The following PCSK5 variants were observed in gnomAD, a reference collection of about 807,000 sequenced individuals.
The protein encoded by PCSK5 is prohormone convertase 5.
Under a neutral mutation model 233.2 loss-of-function variants are expected in PCSK5, and 129 were observed. That is an observed-to-expected ratio of 0.55 (90% CI 0.48 to 0.64). The LOEUF is 0.64. Ranked by LOEUF, PCSK5 falls within the 30% of genes least tolerant of loss-of-function variation. The probability of loss-of-function intolerance (pLI) is 0.00; values close to 1 mark genes in which losing one functional copy is unlikely to be tolerated. For synonymous variants in PCSK5, 825 were observed against 879.2 expected (o/e 0.94, Z 1.09); for missense variants, 2,076 against 2,430.1 (o/e 0.85, Z 3.06).
chr9:76,293,443 T>C (rs192307072), intron 25 of PCSK5, among the ~76,000 whole-genome samples: 13 of 152,310 alleles, frequency 8.5e-5, no homozygotes, highest in Admixed American at 3.9e-4. Flanking sequence ...CTTTGTTTTT[T>C]TGGGTTTTTT....
chr9:76,319,550 A>G (rs2453460), intron 30 of PCSK5, among the ~76,000 whole-genome samples: 53,077 of 151,406 alleles, frequency 0.35, 9,601 homozygotes, highest in Non-Finnish European at 0.37. Context: ...TGTCACGCCC[A>G]CATAAGGGCC....
chr9:76,265,066 C>T (rs767138548), intron 24 of PCSK5, among the ~76,000 whole-genome samples: 1 of 152,180 alleles, frequency 6.6e-6, no homozygotes, highest in South Asian at 2.1e-4. Flanking sequence ...CCATGGACTA[C>T]TATGCAGCCA....
At chr9:76,071,643 C>T in intron 6 of PCSK5, 83 bp from the exon 7 acceptor site, 1 of 1,131,298 alleles carries the variant, frequency 8.8e-7, no homozygotes, top group Non-Finnish European at 1.3e-6. Context: ...TGTATTCTTC[C>T]CCCCGAGAAT....
At chr9:76,011,793 C>G (rs921762883) in intron 3 of PCSK5, among the ~76,000 whole-genome samples, 1 of 152,118 alleles carries the variant, frequency 6.6e-6, no homozygotes, top group African/African-American at 2.4e-5. Flanking sequence ...GAGTTTATTG[C>G]CTGATGCCTA....
At position 76,126,190 on chromosome 9, in the gene PCSK5, T is replaced by TGTGTGTGTGTGG. The variant is rs1832847884; in HGVS notation, c.1209-7918_1209-7907dup. ...TCCTGCGTGTGTGTGTATGTGTGTG[T>TGTGTGTGTGTGG]GTGTGTGTGTGGTGTAATTTTTAAA... On this transcript the variant is annotated intron_variant, in intron 9 of 37. Coordinates refer to ENST00000674117, the MANE Select transcript of PCSK5 (RefSeq NM_001372043.1). Among the ~76,000 whole-genome samples the TGTGTGTGTGTGG allele has an allele frequency of 2.7e-4, 36 of 131,924 alleles. 1 individual carries two copies. The South Asian group carries it at 8.8e-3, about 32-fold the overall frequency. The allele number at this position is 131,924 out of a possible 152,430, so 86.5% of individuals were successfully genotyped here.
At chr9:75,987,945 T>C (rs1826595936) in intron 3 of PCSK5, among the ~76,000 whole-genome samples, 1 of 152,210 alleles carries the variant, frequency 6.6e-6, no homozygotes, top group Non-Finnish European at 1.5e-5. Flanking sequence ...CACTGGACAG[T>C]AGAACTATCT....
chr9:76,188,488 CTG>C (rs1176664660), intron 17 of PCSK5, 88 bp from the exon 18 acceptor site: 4 of 791,708 alleles, frequency 5.1e-6, no homozygotes, highest in Non-Finnish European at 8.6e-6. Context: ...CTGAGGGAAA[CTG>C]TATCTGTTAC....
intron 4 of PCSK5, among the ~76,000 whole-genome samples, chr9:76,024,836 C>T (rs1167612405): frequency 6.6e-6 from 1 of 152,090 alleles, no homozygotes. Context: ...GACTTGGGTT[C>T]CCTCCAGTCT....
intron 35 of PCSK5, 55 bp downstream of exon 35, chr9:76,338,502 T>A: frequency 7.7e-7 from 1 of 1,303,030 alleles, no homozygotes; most frequent in Non-Finnish European, 1.1e-6. Context: ...AAAGGTTTTC[T>A]TCCTTATTTG....
intron 24 of PCSK5, among the ~76,000 whole-genome samples, chr9:76,263,619 G>C (rs1163157685): frequency 6.6e-6 from 1 of 151,764 alleles, no homozygotes; most frequent in East Asian, 1.9e-4. Context: ...CACACTCTGG[G>C]GACTGTTGTG....
chr9:76,209,512 A>G (rs756667540), intron 20 of PCSK5: 6 of 515,986 alleles, frequency 1.2e-5, no homozygotes, highest in Middle Eastern at 3.2e-4. Context: ...GACATGTAGT[A>G]GGCGCTCAAT....
At chr9:75,976,420 C>T (rs1826024777) in intron 2 of PCSK5, among the ~76,000 whole-genome samples, 1 of 151,938 alleles carries the variant, frequency 6.6e-6, no homozygotes, top group Non-Finnish European at 1.5e-5. Flanking sequence ...AGGGAGCTAT[C>T]CTTTTTTTTC....
intron 5 of PCSK5, among the ~76,000 whole-genome samples, chr9:76,058,931 G>A (rs975071500): frequency 3.3e-5 from 5 of 152,044 alleles, no homozygotes; most frequent in Non-Finnish European, 7.4e-5. Flanking sequence ...GATCACTTGA[G>A]CCCAGGAGTT....
intron 20 of PCSK5, chr9:76,193,636 C>A: frequency 3.7e-6 from 1 of 268,080 alleles, no homozygotes; most frequent in Non-Finnish European, 6.9e-6. Context: ...ATGACCAAAG[C>A]ATTTGATGCC....
chr9:76,033,377 G>GA (rs1384510495), intron 5 of PCSK5, among the ~76,000 whole-genome samples: 1 of 152,068 alleles, frequency 6.6e-6, no homozygotes, highest in African/African-American at 2.4e-5. Context: ...AAAACTTAAC[G>GA]AAGAAAATGA....
At chr9:76,276,233 A>T (rs1827684587) in intron 24 of PCSK5, among the ~76,000 whole-genome samples, 1 of 152,130 alleles carries the variant, frequency 6.6e-6, no homozygotes, top group Non-Finnish European at 1.5e-5. Context: ...AAATAAATAA[A>T]AAAATAAAAT....
At chr9:75,932,111 A>T (rs577833610) in intron 1 of PCSK5, among the ~76,000 whole-genome samples, 6 of 152,372 alleles carry the variant, frequency 3.9e-5, no homozygotes, top group Non-Finnish European at 8.8e-5. Flanking sequence ...TAAACATTAA[A>T]AGGAGATTTG....
chr9:76,343,195 C>T (rs534076068), intron 35 of PCSK5, among the ~76,000 whole-genome samples: 2 of 150,050 alleles, frequency 1.3e-5, no homozygotes, highest in East Asian at 2.0e-4. Flanking sequence ...GACAGAGCCT[C>T]GCTGTGTCAC....
chr9:76,125,132 A>T (rs75298900), intron 9 of PCSK5, among the ~76,000 whole-genome samples: 2 of 152,014 alleles, frequency 1.3e-5, no homozygotes, highest in Non-Finnish European at 2.9e-5. Context: ...TAAAAAAAAA[A>T]CTGGCTACAG....
Sources: gnomAD v4.1 joint callset for allele counts (sites outside exome capture counted in the v4.1 genomes callset) on GRCh38, gnomAD v4.1.1 for gene constraint, MANE v1.5 for transcripts, NCBI Gene and HGNC (gene_info 2026-07-23, HGNC 2026-07-21) for gene names.